CAD: variants seen among roughly 807,000 people sequenced by gnomAD.
CAD encodes the protein carbamoyl-phosphate synthetase 2, aspartate transcarbamylase, and dihydroorotase.
Under a neutral mutation model 237.2 loss-of-function variants are expected in CAD, and 81 were observed. The ratio of observed to expected loss-of-function variants is 0.34; its 90% confidence interval spans 0.29 to 0.41. The LOEUF (loss-of-function observed/expected upper bound fraction) is 0.41, where lower values mean the gene tolerates loss of function less well. CAD is among the 10% of genes least tolerant of loss of function. The pLI, the probability that CAD is intolerant of heterozygous loss-of-function variation, is 1.00. For synonymous variants in CAD, 1,196 were observed against 1,162.8 expected, an observed-to-expected ratio of 1.03 and a Z score of -0.58; for missense variants, 2,181 against 2,951.7, an observed-to-expected ratio of 0.74 and a Z score of 6.05.
chr2:27,236,205 G>A lies in CAD; in HGVS notation c.4075-79G>A. On this transcript the variant is annotated intron_variant, in intron 25 of 43. Coordinates refer to ENST00000264705, the MANE Select transcript of CAD (RefSeq NM_004341.5). This position sits in a 1 kb window ranked among gnomAD's most constrained non-coding sequence, Gnocchi z 4.1. ...CAGTCTCCTCATCATGGGCTCCTGG[G>A]CCAGCTCCTCTCCCTTAAGGCTAGC... 6.4e-7 allele frequency: 1 copy of A among 1,560,966 alleles called. No homozygotes were observed. The highest frequency in any genetic ancestry group is 8.7e-7 in the Non-Finnish European group (1 of 1,152,500).
chr2:27,223,114 TG>T, intron 6 of CAD, 77 bp downstream of exon 6: 1 of 1,468,358 alleles, frequency 6.8e-7, no homozygotes, highest in Non-Finnish European at 9.4e-7. Flanking sequence ...AGAAGAGAGT[TG>T]GTGTTTATTC....
At position 27,225,212 on chromosome 2, in the gene CAD, C is replaced by T. The variant is rs140432505; in HGVS notation, c.1589C>T (p.Ala530Val). 1.2e-6 allele frequency: 2 copies of T among 1,613,654 alleles called. No individual in the cohort carries two copies. ...ARMAEIGEHV[A>V]PSEAANSLEQ... ...ATGGCAGAGATCGGAGAGCATGTGG[C>T]CCCGAGCGAGGCAGCAAATTCTCTT... The change falls in exon 11 of 44, where the codon GCC becomes GTC. Residue 530 changes from alanine (A) to valine (V), a missense_variant. By Grantham distance (64) the Ala-to-Val change is moderately conservative. Coordinates refer to ENST00000264705, the MANE Select transcript of CAD (RefSeq NM_004341.5).
intron 11 of CAD, among the ~76,000 whole-genome samples, 156 bp from the exon 12 acceptor site, chr2:27,225,549 A>ACCCCCCCCCCCCCCCCCC (rs10636656): frequency 6.9e-6 from 1 of 145,408 alleles, no homozygotes; most frequent in Non-Finnish European, 1.5e-5. Context: ...CAGGTGATCC[A>ACCCCCCCCCCCCCCCCCC]CCCCCCCGAC....
intron 11 of CAD, 114 bp from the exon 12 acceptor site, chr2:27,225,591 C>T: frequency 1.3e-5 from 10 of 781,958 alleles, no homozygotes; most frequent in Non-Finnish European, 2.1e-5. Context: ...GGGTTACAGG[C>T]GTGAGCCACT....
chr2:27,243,087 A>G lies in CAD; in HGVS notation c.6481-111A>G, dbSNP rs150486401. The G allele has an allele frequency of 2.4e-3, 3,196 of 1,333,314 alleles. 68 individuals carry two copies. In the African/African-American group the frequency reaches 0.042, roughly 18 times the overall value. 82.6% of individuals were successfully genotyped at this position (1,333,314 alleles called of 1,614,324 possible). On this transcript the variant is annotated intron_variant, in intron 42 of 43. Coordinates refer to ENST00000264705, the MANE Select transcript of CAD (RefSeq NM_004341.5). ...GAGCTGTTAAACTTCACATCTGTCA[A>G]TTGCCATAGCTGCATGTGGGTGTGG...
Position 27,236,940 on chromosome 2 carries a change from A to G in CAD, c.4396+110A>G, listed in dbSNP as rs1676040985. Reference sequence around the variant, plus strand: ...GCCCACTCTTTGTCCTGGACTGCACAGACTGTGAAGACCCCAGAATGTTTC... The same window carrying G: ...GCCCACTCTTTGTCCTGGACTGCACGGACTGTGAAGACCCCAGAATGTTTC... On this transcript the variant is annotated intron_variant, in intron 27 of 43. Transcript: ENST00000264705. This position sits in a 1 kb window ranked among gnomAD's most constrained non-coding sequence, Gnocchi z 4.1. 2.4e-6 allele frequency: 2 copies of G among 845,902 alleles called. No homozygotes were observed. The highest frequency in any genetic ancestry group is 4.1e-6 in the Non-Finnish European group (2 of 487,986). The allele number at this position is 845,902 out of a possible 1,614,324, so 52.4% of individuals were successfully genotyped here. A position where few individuals can be genotyped will look rare whatever the true frequency, so the allele number is the denominator to read the frequency against.
chr2:27,229,947 AAGTT>A (rs1357608290), intron 15 of CAD, among the ~76,000 whole-genome samples: 2 of 151,902 alleles, frequency 1.3e-5, no homozygotes, highest in Non-Finnish European at 1.5e-5. Context: ...TACAAGAATT[AAGTT>A]AGTTGGTTGG....
Position 27,232,852 on chromosome 2 carries a change from A to C in CAD, c.2892+158A>C, listed in dbSNP as rs534380286. On this transcript the variant is annotated intron_variant, in intron 18 of 43. Coordinates refer to ENST00000264705, the MANE Select transcript of CAD (RefSeq NM_004341.5). This position sits in a 1 kb window ranked among gnomAD's most constrained non-coding sequence, Gnocchi z 4.1. The stretch of plus-strand genomic sequence containing the variant: ...TTTTAGGCCATCTCTCATGCCCCAC[A>C]CGGTATATGAATCTCTTCCCCAACA... 3.0e-4 allele frequency among the ~76,000 whole-genome samples: 45 copies of C among 152,198 alleles called. No homozygotes were observed. Among genetic ancestry groups the C allele is most frequent in the African/African-American group, 7.9e-4 (33 of 41,514 alleles).
Position 27,234,056 on chromosome 2 carries a change from G to A in CAD, c.3448G>A (p.Ala1150Thr). 1.9e-6 allele frequency: 3 copies of A among 1,614,122 alleles called. No individual in the cohort carries two copies. The highest frequency in any genetic ancestry group is 2.2e-5 in the South Asian group (2 of 91,062). The change falls in exon 22 of 44, where the codon GCC becomes ACC. Residue 1150 changes from alanine (A) to threonine (T), a missense_variant. Transcript: ENST00000264705. ...VASDGVVAAI[A>T]ISEHVENAGV... ...CTCTGATGGTGTGGTGGCAGCCATC[G>A]CCATCTCTGAGCATGTGGAGAATGC... is the stretch of plus-strand genomic sequence containing the variant.
At position 27,241,896 on chromosome 2, in the gene CAD, T is replaced by G. The variant is rs753884363; in HGVS notation, c.5884-15T>G. Reference sequence around the variant, plus strand: ...GACACGCATACGTACACCTTCCATCTTGCTCTTTCCCTAGGGGAAGGTCAT... The same window carrying G: ...GACACGCATACGTACACCTTCCATCGTGCTCTTTCCCTAGGGGAAGGTCAT... On this transcript the variant is annotated splice_polypyrimidine_tract_variant and intron_variant, in intron 38 of 43. Coordinates refer to ENST00000264705, the MANE Select transcript of CAD (RefSeq NM_004341.5). The surrounding 1 kb of genome is among the most constrained non-coding windows in gnomAD (Gnocchi z 4.6). 1 of 1,607,376 alleles carries G rather than the reference T, an allele frequency of 6.2e-7. No individual in the cohort carries two copies. Among genetic ancestry groups the G allele is most frequent in the Non-Finnish European group, 8.5e-7 (1 of 1,174,828 alleles).
rs1676206343 is a variant in CAD, at chr2:27,239,693, G to T, written c.5395-4G>T. ...CTCCTGAGTGCCCTGCCTTCTGCCT[G>T]CAGGTTCTGGTACCCCCGGGCTATG... On this transcript the variant is annotated splice_polypyrimidine_tract_variant and splice_region_variant and intron_variant, in intron 33 of 43. Coordinates refer to ENST00000264705, the MANE Select transcript of CAD (RefSeq NM_004341.5). The surrounding 1 kb of genome is among the most constrained non-coding windows in gnomAD (Gnocchi z 4.0). 6.4e-7 allele frequency: 1 copy of T among 1,574,386 alleles called. No individual in the cohort carries two copies. The highest frequency in any genetic ancestry group is 8.6e-7 in the Non-Finnish European group (1 of 1,158,080).
In CAD at chr2:27,239,339, G is replaced by C. The variant is rs767468749; in HGVS notation, c.5262G>C (p.Leu1754=). ...PQEDTYVEVD[L]EHEWTIPSHM... ...CCATGTCCTCTGGGCAGGTGGATCT[G>C]GAGCATGAGTGGACAATTCCCAGCC... Residue 1754 remains leucine, a synonymous_variant, in exon 33 of 44, where the codon CTG becomes CTC. Coordinates refer to ENST00000264705, the MANE Select transcript of CAD (RefSeq NM_004341.5). This position sits in a 1 kb window ranked among gnomAD's most constrained non-coding sequence, Gnocchi z 4.0. 2.7e-5 allele frequency: 43 copies of C among 1,613,324 alleles called. No individual in the cohort carries two copies. The highest frequency in any genetic ancestry group is 3.2e-5 in the Non-Finnish European group (38 of 1,179,576).
rs1676280208 is a variant in CAD, at chr2:27,240,809, T to C, written c.5594-102T>C. 3 of 1,348,164 alleles carry C rather than the reference T, an allele frequency of 2.2e-6. No homozygotes were observed. In the African/African-American group the frequency reaches 4.3e-5, roughly 19 times the overall value. 83.5% of individuals were successfully genotyped at this position (1,348,164 alleles called of 1,614,324 possible). A position where few individuals can be genotyped will look rare whatever the true frequency, so the allele number is the denominator to read the frequency against. ...ACCTGCTATATTACTGTGTTGTGAA[T>C]TGGTTTAACATATACACTGTGATTC... On this transcript the variant is annotated intron_variant, in intron 35 of 43. Coordinates refer to ENST00000264705, the MANE Select transcript of CAD (RefSeq NM_004341.5). The surrounding 1 kb of genome is among the most constrained non-coding windows in gnomAD (Gnocchi z 4.6).
At chr2:27,243,361 G>A in intron 43 of CAD, 55 bp from the exon 44 acceptor site, 1 of 1,588,668 alleles carries the variant, frequency 6.3e-7, no homozygotes, top group South Asian at 1.1e-5. Context: ...TCCTGGACAA[G>A]CCATCCATGG....
Position 27,240,965 on chromosome 2 carries a change from C to T in CAD, c.5638+10C>T, listed in dbSNP as rs1250647960. 3.7e-6 allele frequency: 6 copies of T among 1,613,966 alleles called. No individual in the cohort carries two copies. The highest frequency in any genetic ancestry group is 2.7e-5 in the African/African-American group (2 of 74,888). On this transcript the variant is annotated intron_variant, in intron 36 of 43. Coordinates refer to ENST00000264705, the MANE Select transcript of CAD (RefSeq NM_004341.5). This position sits in a 1 kb window ranked among gnomAD's most constrained non-coding sequence, Gnocchi z 4.6. ...AAGGTAGCCGAGCCAGGTGAGACTC[C>T]ACCCTGACACACACTCACCTCGGGG... is the stretch of plus-strand genomic sequence containing the variant.
chr2:27,223,017 G>T lies in CAD; in HGVS notation c.789G>T (p.Gly263=), dbSNP rs766455326. ...LGHQLLALAI[G]AKTYKMRYGN... ...ACCAGCTATTGGCCTTAGCCATTGG[G>T]GCCAAGACTTACAAGATGAGGTGGG... Residue 263 remains glycine, a synonymous_variant, in exon 6 of 44, where the codon GGG becomes GGT. Transcript: ENST00000264705. 1.9e-6 allele frequency: 3 copies of T among 1,614,192 alleles called. No individual in the cohort carries two copies. In the Admixed American group the frequency reaches 5.0e-5, roughly 27 times the overall value.
At position 27,240,228 on chromosome 2, in the gene CAD, A is replaced by C; in HGVS notation, c.5497-37A>C. On this transcript the variant is annotated intron_variant, in intron 34 of 43. Coordinates refer to ENST00000264705, the MANE Select transcript of CAD (RefSeq NM_004341.5). This position sits in a 1 kb window ranked among gnomAD's most constrained non-coding sequence, Gnocchi z 4.6. ...AACGAGACTCCGTCTCAAAAGAAAA[A>C]AAAAAAAACAACTCTGGGCCAACGT... 2.6e-6 allele frequency: 4 copies of C among 1,549,994 alleles called. No individual in the cohort carries two copies. The highest frequency in any genetic ancestry group is 3.5e-6 in the Non-Finnish European group (4 of 1,137,744).
Position 27,237,889 on chromosome 2 carries a change from A to G in CAD, c.4728+7A>G, listed in dbSNP as rs146963242. On this transcript the variant is annotated splice_region_variant and intron_variant, in intron 29 of 43. Transcript: ENST00000264705. This position sits in a 1 kb window ranked among gnomAD's most constrained non-coding sequence, Gnocchi z 4.0. ...CGTGGTCCAGTGGATGGAGGTAGGG[A>G]GTGTGCATGTGGCAGGAGGCCACCA... 6 of 1,600,892 alleles carry G rather than the reference A, an allele frequency of 3.7e-6. No homozygotes were observed. The East Asian group carries it at 1.1e-4, about 30-fold the overall frequency.
At chr2:27,225,951 CGTCGT>C (rs1558531632) in intron 12 of CAD, 25 bp downstream of exon 12, 3 of 1,600,938 alleles carry the variant, frequency 1.9e-6, no homozygotes, top group Non-Finnish European at 2.6e-6. Flanking sequence ...GAAGGGTGGG[CGTCGT>C]GTCAGGCAGG....
Sources: allele counts gnomAD v4.1 joint callset (sites outside exome capture counted in the v4.1 genomes callset), GRCh38; gene constraint gnomAD v4.1.1; non-coding constraint Gnocchi (gnomAD v3.1); transcripts MANE v1.5; gene names NCBI Gene and HGNC (gene_info 2026-07-23, HGNC 2026-07-21).